Variants in ERBB4 observed in about 807,000 individuals in gnomAD.
ERBB4 encodes receptor tyrosine-protein kinase erbB-4.
Under a neutral mutation model 158.0 loss-of-function variants are expected in ERBB4, and 42 were observed. The ratio of observed to expected loss-of-function variants is 0.27; its 90% confidence interval spans 0.21 to 0.34. ERBB4 has a LOEUF of 0.34. ERBB4 is among the 10% of genes least tolerant of loss of function. ERBB4 has a pLI of 1.00. For synonymous variants in ERBB4, 583 were observed against 558.7 expected, an observed-to-expected ratio of 1.04 and a Z score of -0.61; for missense variants, 1,333 against 1,624.1, an observed-to-expected ratio of 0.82 and a Z score of 3.08.
At chr2:211,422,162 T>A (rs1293757672) in intron 23 of ERBB4, 58 bp from the exon 24 acceptor site, 2 of 1,155,994 alleles carry the variant, frequency 1.7e-6, no homozygotes, top group Admixed American at 1.7e-5. Context: ...GAGTTGAAAT[T>A]TAAATTTTGT....
At chr2:212,279,849 T>A (rs146043205) in intron 1 of ERBB4, among the ~76,000 whole-genome samples, 1,820 of 151,734 alleles carry the variant, frequency 0.012, 25 homozygotes, top group African/African-American at 0.041. Context: ...GACAATATTT[T>A]AATCTAGAAA....
chr2:212,222,854 T>C (rs941550057), intron 1 of ERBB4, among the ~76,000 whole-genome samples: 2 of 151,636 alleles, frequency 1.3e-5, no homozygotes, highest in African/African-American at 2.4e-5. Flanking sequence ...GATAGTACTA[T>C]GTTTATTTTG....
chr2:212,177,615 TTCAAGAAGCTTA>T (rs1334557625), intron 1 of ERBB4, among the ~76,000 whole-genome samples: 4 of 152,014 alleles, frequency 2.6e-5, no homozygotes, highest in Middle Eastern at 3.4e-3. Context: ...AAAAACATTT[TTCAAGAAGCTTA>T]TCAATTATAT....
At chr2:211,430,327 T>C (rs2063722596) in intron 21 of ERBB4, among the ~76,000 whole-genome samples, 1 of 152,016 alleles carries the variant, frequency 6.6e-6, no homozygotes, top group Non-Finnish European at 1.5e-5. Context: ...GTCCTAATAG[T>C]TTGGCCAAGA....
intron 19 of ERBB4, among the ~76,000 whole-genome samples, chr2:211,581,137 A>C (rs2068092026): frequency 6.6e-6 from 1 of 151,060 alleles, no homozygotes; most frequent in Non-Finnish European, 1.5e-5. Context: ...GGAGGGGGTG[A>C]AGCATACAAT....
chr2:212,523,870 T>G (rs1462918511), intron 1 of ERBB4, among the ~76,000 whole-genome samples: 1 of 152,010 alleles, frequency 6.6e-6, no homozygotes, highest in Non-Finnish European at 1.5e-5. Flanking sequence ...AGGAACTCAC[T>G]AACTCCTGGG....
At chr2:211,677,705 T>C (rs1253445673) in intron 13 of ERBB4, among the ~76,000 whole-genome samples, 2 of 151,572 alleles carry the variant, frequency 1.3e-5, no homozygotes, top group Non-Finnish European at 2.9e-5. Context: ...AAACCCCGTC[T>C]CTACCAAAAA....
At chr2:211,948,206 G>A (rs1291402488) in intron 2 of ERBB4, among the ~76,000 whole-genome samples, 1 of 152,032 alleles carries the variant, frequency 6.6e-6, no homozygotes, top group African/African-American at 2.4e-5. Context: ...GGAGGCTGAG[G>A]CGAGTGGATC....
intron 20 of ERBB4, among the ~76,000 whole-genome samples, chr2:211,457,748 C>T (rs1559187409): frequency 6.6e-6 from 1 of 152,184 alleles, no homozygotes; most frequent in Non-Finnish European, 1.5e-5. Flanking sequence ...AAAGGCATTG[C>T]AAGAGTTAGA....
chr2:212,429,441 T>G lies in ERBB4; in HGVS notation c.82+109008A>C, dbSNP rs150971320. Among the ~76,000 whole-genome samples the G allele has an allele frequency of 3.5e-4, 53 of 152,246 alleles. No homozygotes were observed. In the East Asian group the frequency reaches 0.01, roughly 29 times the overall value. On this transcript the variant is annotated intron_variant, in intron 1 of 27. Coordinates refer to ENST00000342788, the MANE Select transcript of ERBB4 (RefSeq NM_005235.3). ...AGTGGAGCTTTCTGTCTTCAACGGA[T>G]TATACAAGTGTGGATAGCTGAGTAT...
At chr2:212,304,965 T>C (rs982962692) in intron 1 of ERBB4, among the ~76,000 whole-genome samples, 1 of 151,424 alleles carries the variant, frequency 6.6e-6, no homozygotes, top group Non-Finnish European at 1.5e-5. Context: ...TATATATATA[T>C]AATTAGCCAA....
chr2:212,301,753 C>T (rs185088931), intron 1 of ERBB4, among the ~76,000 whole-genome samples: 3 of 147,602 alleles, frequency 2.0e-5, no homozygotes, highest in Admixed American at 2.0e-4. Flanking sequence ...GTCCTGAAAT[C>T]CATATGTCAT....
intron 1 of ERBB4, among the ~76,000 whole-genome samples, chr2:212,301,035 T>C (rs2086599758): frequency 6.6e-6 from 1 of 151,514 alleles, no homozygotes; most frequent in Non-Finnish European, 1.5e-5. Context: ...TAAAAGTGTT[T>C]CCCATAAACT....
At chr2:211,725,501 C>CT (rs2074237312) in intron 5 of ERBB4, among the ~76,000 whole-genome samples, 1 of 258 alleles carries the variant, frequency 3.9e-3, no homozygotes, top group Non-Finnish European at 6.8e-3. Context: ...ATCCCAACTA[C>CT]TTGGAGACTG....
At chr2:211,478,765 T>G (rs950748548) in intron 20 of ERBB4, among the ~76,000 whole-genome samples, 1 of 152,108 alleles carries the variant, frequency 6.6e-6, no homozygotes, top group Non-Finnish European at 1.5e-5. Context: ...CTAACTCTTA[T>G]GATAAAACAT....
intron 2 of ERBB4, among the ~76,000 whole-genome samples, chr2:212,087,257 C>T (rs1342794656): frequency 6.7e-6 from 1 of 149,378 alleles, no homozygotes; most frequent in Non-Finnish European, 1.5e-5. Flanking sequence ...AACATTTTTC[C>T]TATGTTGCTT....
chr2:212,191,570 ATGTGTTATGCCTGTTATATATAACACATG>A (rs2082204792), intron 1 of ERBB4, among the ~76,000 whole-genome samples: 1 of 134,618 alleles, frequency 7.4e-6, no homozygotes, highest in Non-Finnish European at 1.6e-5. Flanking sequence ...TATATAACAC[ATGTGTTATGCCTGTTATATATAACACATG>A]TGTTATGCCT....
chr2:212,446,789 A>C (rs1384190665), intron 1 of ERBB4, among the ~76,000 whole-genome samples: 1 of 149,996 alleles, frequency 6.7e-6, no homozygotes, highest in East Asian at 2.0e-4. Flanking sequence ...TAATTTTACC[A>C]ATGGATGAAA....
At chr2:211,832,565 T>C (rs532489168) in intron 3 of ERBB4, among the ~76,000 whole-genome samples, 7 of 141,954 alleles carry the variant, frequency 4.9e-5, no homozygotes, top group Non-Finnish European at 9.4e-5. Context: ...AATAAATATA[T>C]GTATGTGTGT....
Sources: gnomAD v4.1 joint callset for allele counts (sites outside exome capture counted in the v4.1 genomes callset) on GRCh38, gnomAD v4.1.1 for gene constraint, MANE v1.5 for transcripts, NCBI Gene and HGNC (gene_info 2026-07-23, HGNC 2026-07-21) for gene names.